LRRC8C: variants seen among roughly 807,000 people sequenced by gnomAD.
The protein encoded by LRRC8C is leucine rich repeat containing 8 VRAC subunit C.
In LRRC8C, 20 loss-of-function variants were observed where a neutral mutation model predicts 55.3. That is an observed-to-expected ratio of 0.36 (90% CI 0.25 to 0.53). The LOEUF is 0.53. Ranked by LOEUF, LRRC8C falls within the 20% of genes least tolerant of loss-of-function variation. The probability of loss-of-function intolerance (pLI) is 0.92; values close to 1 mark genes in which losing one functional copy is unlikely to be tolerated. For synonymous variants in LRRC8C, 376 were observed against 360.7 expected (o/e 1.04, Z -0.48); for missense variants, 659 against 951.4 (o/e 0.69, Z 4.04).
At chr1:89,704,776 G>A (rs1221086666) in intron 2 of LRRC8C, among the ~76,000 whole-genome samples, 1 of 152,126 alleles carries the variant, frequency 6.6e-6, no homozygotes, top group African/African-American at 2.4e-5. Context: ...GGAAACAACA[G>A]GTACTGGAGA....
intron 1 of LRRC8C, among the ~76,000 whole-genome samples, chr1:89,648,543 ACACATGAATGAATTG>A (rs1307304562): frequency 2.6e-5 from 4 of 152,176 alleles, no homozygotes; most frequent in Non-Finnish European, 4.4e-5. Flanking sequence ...GTGAACCAAA[ACACATGAATGAATTG>A]CACAAACTAA....
intron 2 of LRRC8C, among the ~76,000 whole-genome samples, chr1:89,691,108 G>A (rs1024640672): frequency 6.6e-6 from 1 of 152,130 alleles, no homozygotes; most frequent in Non-Finnish European, 1.5e-5. Context: ...TCTGTGGGGT[G>A]TTAGATGCTA....
In LRRC8C at chr1:89,655,285, C is replaced by T. The variant is rs557214312; in HGVS notation, c.-5+21963C>T. On this transcript the variant is annotated intron_variant, in intron 1 of 2. Coordinates refer to ENST00000370454, the MANE Select transcript of LRRC8C (RefSeq NM_032270.5). The stretch of plus-strand genomic sequence containing the variant: ...TTTCGGTGTGTTTATTTTATAAATA[C>T]AGTATCTCTTGCTAGCTCTCTGAGA... Among the ~76,000 whole-genome samples the T allele has an allele frequency of 9.2e-5, 14 of 151,944 alleles. No homozygotes were observed. In the South Asian group the frequency reaches 2.7e-3, roughly 29 times the overall value.
chr1:89,665,685 G>A (rs1291828291), intron 1 of LRRC8C, among the ~76,000 whole-genome samples: 1 of 152,114 alleles, frequency 6.6e-6, no homozygotes, highest in Non-Finnish European at 1.5e-5. Context: ...ACAGCTTATT[G>A]TTGAAGAAAG....
At chr1:89,690,829 C>T (rs567411562) in intron 2 of LRRC8C, among the ~76,000 whole-genome samples, 2 of 152,286 alleles carry the variant, frequency 1.3e-5, no homozygotes, top group African/African-American at 4.8e-5. Flanking sequence ...ACTCTTACCT[C>T]GCACAATCAG....
At chr1:89,657,548 C>G (rs539302102) in intron 1 of LRRC8C, among the ~76,000 whole-genome samples, 6 of 152,056 alleles carry the variant, frequency 3.9e-5, no homozygotes, top group Admixed American at 6.6e-5. Flanking sequence ...CGAGACCAGC[C>G]TGGCCAATAT....
Position 89,717,280 on chromosome 1 carries a change from A to C in LRRC8C, c.*2298A>C, listed in dbSNP as rs1344799806. 2 of 152,050 alleles carry C rather than the reference A, an allele frequency of 1.3e-5. No homozygotes were observed. The highest frequency in any genetic ancestry group is 3.9e-4 in the East Asian group (2 of 5,186). 9.4% of individuals were successfully genotyped at this position (152,050 alleles called of 1,614,324 possible). A position where few individuals can be genotyped will look rare whatever the true frequency, so the allele number is the denominator to read the frequency against. ...ATTTTTCTGGATAAAATTTATAGTTATTTTCTATATTACCCTTCAAAAGGG... is the reference window on the plus strand; with the variant it reads ...ATTTTTCTGGATAAAATTTATAGTTCTTTTCTATATTACCCTTCAAAAGGG... On this transcript the variant is annotated 3_prime_UTR_variant, in exon 3 of 3. Transcript: ENST00000370454.
intron 1 of LRRC8C, among the ~76,000 whole-genome samples, chr1:89,681,007 A>G (rs759627296): frequency 6.6e-5 from 10 of 152,246 alleles, no homozygotes; most frequent in Admixed American, 4.6e-4. Context: ...GACATTACTA[A>G]TAAGATAAAT....
intron 1 of LRRC8C, among the ~76,000 whole-genome samples, chr1:89,646,228 G>A (rs548831626): frequency 2.8e-4 from 42 of 152,186 alleles, no homozygotes; most frequent in Non-Finnish European, 4.7e-4. Flanking sequence ...GGGAGTAGGG[G>A]ATGGAGAACC....
chr1:89,709,435 T>C (rs1658581662), intron 2 of LRRC8C, among the ~76,000 whole-genome samples: 1 of 152,168 alleles, frequency 6.6e-6, no homozygotes, highest in South Asian at 2.1e-4. Flanking sequence ...TAACCCCAAG[T>C]GCACACAGCT....
At chr1:89,681,167 G>T (rs1255529177) in intron 1 of LRRC8C, among the ~76,000 whole-genome samples, 1 of 152,138 alleles carries the variant, frequency 6.6e-6, no homozygotes, top group Non-Finnish European at 1.5e-5. Context: ...AGCTTGAAAT[G>T]ATAACTCTTG....
chr1:89,655,313 A>G (rs1656911302), intron 1 of LRRC8C, among the ~76,000 whole-genome samples: 1 of 151,972 alleles, frequency 6.6e-6, no homozygotes, highest in South Asian at 2.1e-4. Context: ...CTCTGAGAAT[A>G]TTAATTATAG....
In LRRC8C at chr1:89,715,060, T is replaced by C. The variant is rs1658777298; in HGVS notation, c.*78T>C. ...AATAATTAGGTAGTCTTAATGCCTT[T>C]CCTATTTTTTTTTCCTTTTCACACA... On this transcript the variant is annotated 3_prime_UTR_variant, in exon 3 of 3. Transcript: ENST00000370454. The C allele has an allele frequency of 2.1e-6, 2 of 961,978 alleles. No homozygotes were observed. The highest frequency in any genetic ancestry group is 2.7e-5 in the South Asian group (1 of 36,586). The allele number at this position is 961,978 out of a possible 1,614,324, so 59.6% of individuals were successfully genotyped here.
chr1:89,714,592 G>T lies in LRRC8C; in HGVS notation c.2022G>T (p.Val674=). 6.2e-7 allele frequency: 1 copy of T among 1,614,078 alleles called. No homozygotes were observed. The highest frequency in any genetic ancestry group is 2.2e-5 in the East Asian group (1 of 44,890). ...RLSFSHNKIE[V]LPSHLFLCNK... is the part of the protein sequence containing the mutation. ...CCTTTAGTCACAATAAAATAGAGGT[G>T]CTGCCTTCCCACCTCTTCCTATGCA... Residue 674 remains valine (V), a synonymous_variant, in exon 3 of 3, where the codon GTG becomes GTT. Coordinates refer to ENST00000370454, the MANE Select transcript of LRRC8C (RefSeq NM_032270.5). The surrounding 1 kb of genome is among the most constrained non-coding windows in gnomAD (Gnocchi z 4.6).
intron 1 of LRRC8C, among the ~76,000 whole-genome samples, chr1:89,636,698 T>A (rs538103788): frequency 3.3e-5 from 5 of 152,210 alleles, no homozygotes; most frequent in African/African-American, 1.2e-4. Flanking sequence ...GCTACCTCCT[T>A]CATGAGCCTG....
At position 89,708,617 on chromosome 1, in the gene LRRC8C, C is replaced by CTTCAAAT. The variant is rs1658556454; in HGVS notation, c.139-4091_139-4090insTCAAATT. 2.1e-3 allele frequency: 319 copies of CTTCAAAT among 152,238 alleles called. 4 individuals are homozygous for CTTCAAAT. Among genetic ancestry groups the CTTCAAAT allele is most frequent in the African/African-American group, 7.2e-3 (298 of 41,472 alleles). 9.4% of individuals were successfully genotyped at this position (152,238 alleles called of 1,614,324 possible). A position where few individuals can be genotyped will look rare whatever the true frequency, so the allele number is the denominator to read the frequency against. On this transcript the variant is annotated intron_variant, in intron 2 of 2. Transcript: ENST00000370454. ...GAAGAAGAAGACAAAGAAGAAGAAG[C>CTTCAAAT]TGCCTGCCTTATTTTTTTTCTTATT...
intron 1 of LRRC8C, among the ~76,000 whole-genome samples, chr1:89,651,614 ATAAACCC>A (rs1465660400): frequency 6.7e-6 from 1 of 149,788 alleles, no homozygotes; most frequent in Non-Finnish European, 1.5e-5. Flanking sequence ...CATATGATTT[ATAAACCC>A]TAAGTATTTG....
At chr1:89,672,198 A>G (rs1159767346) in intron 1 of LRRC8C, among the ~76,000 whole-genome samples, 1 of 152,230 alleles carries the variant, frequency 6.6e-6, no homozygotes, top group Non-Finnish European at 1.5e-5. Flanking sequence ...TTACCTAGCT[A>G]ACTGTTACTA....
chr1:89,671,549 T>C (rs1657416404), intron 1 of LRRC8C, among the ~76,000 whole-genome samples: 1 of 152,180 alleles, frequency 6.6e-6, no homozygotes, highest in South Asian at 2.1e-4. Flanking sequence ...GCTGCGTGTG[T>C]TCAGTCTCAG....
Sources: allele counts gnomAD v4.1 joint callset (sites outside exome capture counted in the v4.1 genomes callset), GRCh38; gene constraint gnomAD v4.1.1; non-coding constraint Gnocchi (gnomAD v3.1); transcripts MANE v1.5; gene names NCBI Gene and HGNC (gene_info 2026-07-23, HGNC 2026-07-21).